COL12A1: variants seen among roughly 807,000 people sequenced by gnomAD.
COL12A1 encodes the protein collagen alpha-1(XII) chain.
In COL12A1, 114 loss-of-function variants were observed where a neutral mutation model predicts 349.7. The ratio of observed to expected loss-of-function variants is 0.33; its 90% CI spans 0.28 to 0.38. COL12A1 has a LOEUF of 0.38. Ranked by LOEUF, COL12A1 falls within the 10% of genes least tolerant of loss-of-function variation. The probability of loss-of-function intolerance (pLI) is 1.00; values close to 1 mark genes in which losing one functional copy is unlikely to be tolerated. For missense variants in COL12A1, 3,284 were observed against 3,756.9 expected (o/e 0.87, Z 3.29); for synonymous variants, 1,369 against 1,329.0 (o/e 1.03, Z -0.66).
At chr6:75,138,199 CAATG>C (rs1766716424) in intron 30 of COL12A1, 117 bp downstream of exon 30, 2 of 1,067,924 alleles carry the variant, frequency 1.9e-6, no homozygotes, top group Admixed American at 2.6e-5. Flanking sequence ...AAAGAGTTCT[CAATG>C]AACATCTTAG....
At chr6:75,148,219 A>G (rs1582132651) in intron 22 of COL12A1, 139 bp downstream of exon 22, 1 of 737,462 alleles carries the variant, frequency 1.4e-6, no homozygotes, top group East Asian at 2.9e-5. Context: ...AAAGTCAAGA[A>G]TAGAAAGCAC....
At chr6:75,087,846 T>A in intron 64 of COL12A1, 99 bp from the exon 65 acceptor site, 1 of 1,232,544 alleles carries the variant, frequency 8.1e-7, no homozygotes, top group Non-Finnish European at 1.1e-6. Context: ...GTCTCAAAAT[T>A]AGACAATTTA....
intron 14 of COL12A1, among the ~76,000 whole-genome samples, chr6:75,163,992 C>G (rs1768152541): frequency 6.6e-6 from 1 of 152,152 alleles, no homozygotes; most frequent in Non-Finnish European, 1.5e-5. Context: ...ATAAATTTAG[C>G]TTTATGTGTC....
At chr6:75,180,506 A>G (rs560136772) in intron 11 of COL12A1, among the ~76,000 whole-genome samples, 2 of 152,144 alleles carry the variant, frequency 1.3e-5, no homozygotes, top group South Asian at 2.1e-4. Context: ...GTAAATATGT[A>G]TATTTTACCA....
rs60234784 is a variant in COL12A1, at chr6:75,121,858, CT to C, written c.6947-418del. 4.3e-3 allele frequency among the ~76,000 whole-genome samples: 578 copies of C among 134,430 alleles called. 2 individuals are homozygous for C. The highest frequency in any genetic ancestry group is 0.011 in the East Asian group (50 of 4,724). 88.2% of individuals were successfully genotyped at this position (134,430 alleles called of 152,430 possible). A position where few individuals can be genotyped will look rare whatever the true frequency, so the allele number is the denominator to read the frequency against. On this transcript the variant is annotated intron_variant, in intron 43 of 65. Coordinates refer to ENST00000322507, the MANE Select transcript of COL12A1 (RefSeq NM_004370.6). ...AAGATTGACTTTATGCAAATAAGTC[CT>C]TTTTTTTTTTTTTTTTTAGACAGGG...
In COL12A1 at chr6:75,156,274, T is replaced by C. The variant is rs928029204; in HGVS notation, c.3233A>G (p.Gln1078Arg). 21 of 1,613,728 alleles carry C rather than the reference T, an allele frequency of 1.3e-5. No homozygotes were observed. Among genetic ancestry groups the C allele is most frequent in the Non-Finnish European group, 1.7e-5 (20 of 1,179,810 alleles). ...IYKMGEGKLR[Q>R]GSGTTASRFK... ...TTTCATACCTGTTGTTCCTGATCCT[T>C]GCCTAAGCTTTCCTTCTCCCATCTT... Residue 1078 changes from glutamine to arginine, a missense_variant, in exon 15 of 66, where the codon CAA becomes CGA. Coordinates refer to ENST00000322507, the MANE Select transcript of COL12A1 (RefSeq NM_004370.6).
intron 2 of COL12A1, among the ~76,000 whole-genome samples, chr6:75,201,216 C>A (rs1770509245): frequency 6.6e-6 from 1 of 152,156 alleles, no homozygotes; most frequent in African/African-American, 2.4e-5. Flanking sequence ...CTAAAAATAT[C>A]TGTAGTAGGG....
chr6:75,147,762 G>A lies in COL12A1; in HGVS notation c.4330C>T (p.Leu1444=). The change falls in exon 23 of 66, where the codon CTG becomes TTG. Residue 1444 remains leucine (L), a synonymous_variant. Transcript: ENST00000322507. The stretch of plus-strand genomic sequence containing the variant: ...ACAACATATTCAGTTTCAGGTTTCA[G>A]ATCTTTCAGCACTGTGCTAGTTTCC... ...RMETSTVLKD[L]KPETEYVVNV... The A allele has an allele frequency of 1.2e-6, 2 of 1,613,526 alleles. No individual in the cohort carries two copies. The highest frequency in any genetic ancestry group is 1.7e-6 in the Non-Finnish European group (2 of 1,179,634).
rs147287796 is a variant in COL12A1, at chr6:75,183,821, A to C, written c.1288+33T>G. 2.5e-3 allele frequency: 3,993 copies of C among 1,605,956 alleles called. 87 individuals are homozygous for C. The African/African-American group carries it at 0.046, about 18-fold the overall frequency. On this transcript the variant is annotated intron_variant, in intron 9 of 65. Coordinates refer to ENST00000322507, the MANE Select transcript of COL12A1 (RefSeq NM_004370.6). Reference sequence around the variant, plus strand: ...CATTCTGTCAAACAGATCTTCACATATTCCAAATACAATGATGCACACATT... The same window carrying C: ...CATTCTGTCAAACAGATCTTCACATCTTCCAAATACAATGATGCACACATT...
intron 3 of COL12A1, among the ~76,000 whole-genome samples, chr6:75,192,745 G>T (rs1383351409): frequency 6.6e-6 from 1 of 152,048 alleles, no homozygotes; most frequent in Non-Finnish European, 1.5e-5. Flanking sequence ...GAGGAGAGCA[G>T]AGAGAGAGAA....
chr6:75,136,659 A>T (rs779724374), intron 31 of COL12A1, among the ~76,000 whole-genome samples: 26 of 152,324 alleles, frequency 1.7e-4, no homozygotes, highest in Admixed American at 3.3e-4. Flanking sequence ...ACCTCACCAA[A>T]ACTGGAGATT....
At chr6:75,103,367 A>ATGT (rs1313063497) in intron 55 of COL12A1, among the ~76,000 whole-genome samples, 1,823 of 152,310 alleles carry the variant, frequency 0.012, 36 homozygotes, top group African/African-American at 0.04. Flanking sequence ...GCACATACGC[A>ATGT]GCCACTCAGC....
chr6:75,119,583 T>A (rs980740332), intron 44 of COL12A1, 110 bp from the exon 45 acceptor site: 1 of 1,240,350 alleles, frequency 8.1e-7, no homozygotes, highest in Non-Finnish European at 1.1e-6. Flanking sequence ...AAAAAGTATC[T>A]CAGACCTGAT....
intron 60 of COL12A1, 84 bp downstream of exon 60, chr6:75,095,024 C>A (rs2149333344): frequency 7.9e-7 from 1 of 1,267,288 alleles, no homozygotes; most frequent in South Asian, 1.3e-5. Flanking sequence ...CAGAGATAAC[C>A]TAAATATAAC....
chr6:75,177,454 T>G (rs1042551496), intron 12 of COL12A1, among the ~76,000 whole-genome samples: 3 of 151,988 alleles, frequency 2.0e-5, no homozygotes, highest in African/African-American at 7.3e-5. Context: ...AAATAATTAA[T>G]TAAACAAATA....
chr6:75,133,712 A>T, intron 33 of COL12A1, 146 bp downstream of exon 33: 2 of 960,366 alleles, frequency 2.1e-6, no homozygotes, highest in Non-Finnish European at 3.1e-6. Flanking sequence ...CTAAGGCATC[A>T]ACTATTTACC....
chr6:75,180,039 T>C (rs1769182821), intron 11 of COL12A1, among the ~76,000 whole-genome samples: 1 of 152,210 alleles, frequency 6.6e-6, no homozygotes, highest in Non-Finnish European at 1.5e-5. Flanking sequence ...CACACACCTG[T>C]AGTCCCAGCT....
chr6:75,151,171 T>A lies in COL12A1; in HGVS notation c.4117A>T (p.Ile1373Phe). The change falls in exon 21 of 66, where the codon ATT becomes TTT. Residue 1373 changes from isoleucine to phenylalanine, a missense_variant. By Grantham distance (21) the Ile-to-Phe change is conservative. Transcript: ENST00000322507. ...SLSRIVDDLT[I>F]NLCNSVKGPG... The stretch of plus-strand genomic sequence containing the variant: ...CCTTTGACACTGTTACACAAATTAA[T>A]GGTGAGATCATCCACTATCCTGGAG... 4 of 1,605,148 alleles carry A rather than the reference T, an allele frequency of 2.5e-6. No homozygotes were observed. Among genetic ancestry groups the A allele is most frequent in the Non-Finnish European group, 3.4e-6 (4 of 1,175,732 alleles).
intron 51 of COL12A1, among the ~76,000 whole-genome samples, chr6:75,109,682 T>G (rs1162285301): frequency 1.3e-5 from 2 of 152,160 alleles, no homozygotes; most frequent in African/African-American, 4.8e-5. Context: ...CTATAGGGAT[T>G]CAACTCTGGA....
Sources: allele counts gnomAD v4.1 joint callset (sites outside exome capture counted in the v4.1 genomes callset), GRCh38; gene constraint gnomAD v4.1.1; transcripts MANE v1.5; gene names NCBI Gene and HGNC (gene_info 2026-07-23, HGNC 2026-07-21).